Variants in EPHA3 observed in about 807,000 individuals in gnomAD.
EPHA3 encodes the protein ephrin type-A receptor 3.
Under a neutral mutation model 107.1 loss-of-function variants are expected in EPHA3, and 42 were observed. The observed-to-expected ratio is 0.39, with a 90% CI of 0.31 to 0.51. The LOEUF is 0.51. Among genes scored for constraint, EPHA3 ranks in the 20% least tolerant of loss-of-function variants. EPHA3 has a pLI of 0.78. For synonymous variants in EPHA3, 461 were observed against 424.8 expected (o/e 1.09, Z -1.05); for missense variants, 1,183 against 1,211.2 (o/e 0.98, Z 0.35).
chr3:89,250,396 C>A, intron 3 of EPHA3, among the ~76,000 whole-genome samples: 1 of 152,252 alleles, frequency 6.6e-6, no homozygotes, highest in Non-Finnish European at 1.5e-5. Context: ...TATCATGTAA[C>A]ATCAAGGTAT....
chr3:89,127,368 A>G (rs1428056866), intron 2 of EPHA3, 95 bp downstream of exon 2: 2 of 916,812 alleles, frequency 2.2e-6, no homozygotes, highest in Non-Finnish European at 3.4e-6. Context: ...GAACTCTTGT[A>G]CTTCTGGTGA....
chr3:89,229,443 A>T (rs1704576083), intron 3 of EPHA3, among the ~76,000 whole-genome samples: 1 of 151,814 alleles, frequency 6.6e-6, no homozygotes, highest in African/African-American at 2.4e-5. Context: ...GTGCATAAAA[A>T]TAAGTTATAT....
intron 3 of EPHA3, among the ~76,000 whole-genome samples, chr3:89,216,140 C>T (rs1281006681): frequency 6.6e-6 from 1 of 151,832 alleles, no homozygotes; most frequent in Non-Finnish European, 1.5e-5. Context: ...GTCCATTAAG[C>T]AGTTTATTTG....
At chr3:89,107,976 C>CTT (rs35490136) in intron 1 of EPHA3, 140 bp downstream of exon 1, 404 of 606,416 alleles carry the variant, frequency 6.7e-4, no homozygotes, top group South Asian at 2.0e-3. Flanking sequence ...AAAGATGTGC[C>CTT]TTTTTTTTTT....
chr3:89,184,809 G>T (rs1251807537), intron 2 of EPHA3, among the ~76,000 whole-genome samples: 3 of 152,010 alleles, frequency 2.0e-5, no homozygotes, highest in Non-Finnish European at 4.4e-5. Context: ...AAAGATAGGG[G>T]ACTTAGGAAA....
chr3:89,329,323 T>TGTTGGCCAAGCAAC (rs1559649345), intron 3 of EPHA3, among the ~76,000 whole-genome samples: 1 of 152,008 alleles, frequency 6.6e-6, no homozygotes, highest in Non-Finnish European at 1.5e-5. Context: ...CAACACTGAA[T>TGTTGGCCAAGCAAC]ACAGATGGCC....
intron 15 of EPHA3, among the ~76,000 whole-genome samples, chr3:89,467,551 TG>T (rs1487979898): frequency 6.6e-6 from 1 of 152,168 alleles, no homozygotes; most frequent in East Asian, 1.9e-4. Flanking sequence ...AAGGTAGCAT[TG>T]AAATAAGATT....
intron 5 of EPHA3, among the ~76,000 whole-genome samples, chr3:89,347,827 G>C (rs1029367812): frequency 1.3e-5 from 2 of 150,948 alleles, no homozygotes; most frequent in Non-Finnish European, 3.0e-5. Context: ...AGCATGAAGA[G>C]TTGTTGAATT....
At chr3:89,286,119 C>CGTGTGTGTGTGTGTGTGT (rs373081017) in intron 3 of EPHA3, among the ~76,000 whole-genome samples, 1 of 136,562 alleles carries the variant, frequency 7.3e-6, no homozygotes, top group African/African-American at 2.7e-5. Context: ...TCAATTTCTA[C>CGTGTGTGTGTGTGTGTGT]GTGTGTGTGT....
intron 2 of EPHA3, among the ~76,000 whole-genome samples, chr3:89,140,536 C>A (rs1489802538): frequency 6.6e-6 from 1 of 151,552 alleles, no homozygotes; most frequent in Non-Finnish European, 1.5e-5. Context: ...TTTTTGGAGA[C>A]TAAAATATAA....
intron 5 of EPHA3, among the ~76,000 whole-genome samples, chr3:89,369,347 G>C (rs531787198): frequency 1.3e-5 from 2 of 150,294 alleles, no homozygotes; most frequent in African/African-American, 4.9e-5. Context: ...ATAATGCCAC[G>C]TATCTACAAC....
In EPHA3 at chr3:89,356,561, T is replaced by C. The variant is rs1383552360; in HGVS notation, c.1306+14471T>C. ...CAAATTCTGATACATTTCTTTGGTG[T>C]GATTGGCTTAGGCCCCAAGTTTTTT... On this transcript the variant is annotated intron_variant, in intron 5 of 16. Transcript: ENST00000336596. 2.0e-5 allele frequency among the ~76,000 whole-genome samples: 3 copies of C among 151,336 alleles called. No homozygotes were observed. The South Asian group carries it at 6.2e-4, about 31-fold the overall frequency.
chr3:89,235,698 T>G (rs1259125692), intron 3 of EPHA3, among the ~76,000 whole-genome samples: 1 of 151,980 alleles, frequency 6.6e-6, no homozygotes, highest in Non-Finnish European at 1.5e-5. Context: ...ACTACCCTAT[T>G]TTTTCATATG....
rs2107526855 is a variant in EPHA3 at position 89,419,307 on chromosome 3, G to A, written c.1991G>A (p.Arg664Lys). Residue 664 changes from arginine to lysine, a missense_variant, in exon 11 of 17, where the codon AGG becomes AAG. Coordinates refer to ENST00000336596, the MANE Select transcript of EPHA3 (RefSeq NM_005233.6). The stretch of plus-strand genomic sequence containing the variant: ...AAAGTTGGCTACACAGAAAAGCAGA[G>A]GAGAGACTTCCTGGGAGAAGCAAGC... ...TLKVGYTEKQ[R>K]RDFLGEASIM... 2.5e-6 allele frequency: 4 copies of A among 1,610,520 alleles called. No individual in the cohort carries two copies. Among genetic ancestry groups the A allele is most frequent in the Non-Finnish European group, 3.4e-6 (4 of 1,177,770 alleles).
At chr3:89,320,618 G>A (rs775020451) in intron 3 of EPHA3, among the ~76,000 whole-genome samples, 5 of 151,696 alleles carry the variant, frequency 3.3e-5, no homozygotes, top group African/African-American at 9.7e-5. Flanking sequence ...AAGCCATGAG[G>A]CTACATGGCA....
At chr3:89,211,264 G>A (rs549646565) in intron 3 of EPHA3, among the ~76,000 whole-genome samples, 7 of 151,942 alleles carry the variant, frequency 4.6e-5, no homozygotes, top group Admixed American at 3.3e-4. Context: ...ATTTTAAGTG[G>A]AATCAATTAA....
intron 3 of EPHA3, among the ~76,000 whole-genome samples, chr3:89,322,139 A>C (rs191165158): frequency 6.6e-6 from 1 of 151,952 alleles, no homozygotes; most frequent in African/African-American, 2.4e-5. Context: ...GGTTGGAGAG[A>C]GAGAGAGAGA....
chr3:89,145,037 C>G (rs1189365882), intron 2 of EPHA3, among the ~76,000 whole-genome samples: 2 of 151,520 alleles, frequency 1.3e-5, no homozygotes, highest in Non-Finnish European at 3.0e-5. Flanking sequence ...TGAATTTACC[C>G]TCATAAAATA....
chr3:89,413,010 A>G (rs1248275832), intron 9 of EPHA3, 131 bp from the exon 10 acceptor site: 11 of 1,209,096 alleles, frequency 9.1e-6, no homozygotes, highest in Non-Finnish European at 1.0e-5. Context: ...CTGTGATACT[A>G]CAGAATAAAC....
Sources: allele counts gnomAD v4.1 joint callset (sites outside exome capture counted in the v4.1 genomes callset), GRCh38; gene constraint gnomAD v4.1.1; transcripts MANE v1.5; gene names NCBI Gene and HGNC (gene_info 2026-07-23, HGNC 2026-07-21).